The following MED27 variants were observed in gnomAD, a reference collection of about 807,000 sequenced individuals.
MED27 encodes mediator of RNA polymerase II transcription subunit 27.
MED27 carries 30 observed loss-of-function variants against 38.2 expected under a neutral mutation model. The observed-to-expected ratio is 0.79, with a 90% confidence interval of 0.59 to 1.07. MED27 has a LOEUF of 1.07. MED27 is among the 50% of genes least tolerant of loss of function. The pLI is 0.00. For missense variants in MED27, 289 were observed against 397.5 expected, an observed-to-expected ratio of 0.73 and a Z score of 2.32; for synonymous variants, 122 against 153.5, an observed-to-expected ratio of 0.79 and a Z score of 1.52.
intron 3 of MED27, among the ~76,000 whole-genome samples, chr9:131,943,440 C>T (rs1247568225): frequency 2.0e-5 from 3 of 152,160 alleles, no homozygotes; most frequent in African/African-American, 7.2e-5. Context: ...CCTCCCGAGA[C>T]GGTGAGCACG....
rs926027578 is a variant in MED27 at position 132,010,085 on chromosome 9, T to G, written c.479+4252A>C. Among the ~76,000 whole-genome samples the G allele has an allele frequency of 2.0e-5, 3 of 152,268 alleles. No homozygotes were observed. In the South Asian group the frequency reaches 6.2e-4, roughly 31 times the overall value. ...CTTTAGTTTAATTAGATCCCATTTG[T>G]CAATTTTGGCTTTGTTGCCATTGCT... On this transcript the variant is annotated intron_variant, in intron 3 of 7. Coordinates refer to ENST00000292035, the MANE Select transcript of MED27 (RefSeq NM_004269.4).
chr9:131,895,448 C>T (rs1241280478), intron 4 of MED27, among the ~76,000 whole-genome samples: 4 of 152,178 alleles, frequency 2.6e-5, no homozygotes, highest in Admixed American at 6.5e-5. Flanking sequence ...ATCACCCCTT[C>T]CTTATATCCC....
rs2131532671 is a variant in MED27 at position 131,908,651 on chromosome 9, G to C, written c.574-14659C>G. Among the ~76,000 whole-genome samples, 2 of 152,282 alleles carry C rather than the reference G, an allele frequency of 1.3e-5. 1 individual carries two copies. Among genetic ancestry groups the C allele is most frequent in the South Asian group, 4.1e-4 (2 of 4,820 alleles). ...ATGGATTAAGGGTGGTGCAAGATGT[G>C]CTTTGTTAAACCGATGCTTGAAGGC... On this transcript the variant is annotated intron_variant, in intron 4 of 7. Coordinates refer to ENST00000292035, the MANE Select transcript of MED27 (RefSeq NM_004269.4).
chr9:131,928,150 T>G (rs1327069108), intron 4 of MED27, among the ~76,000 whole-genome samples: 1 of 152,226 alleles, frequency 6.6e-6, no homozygotes, highest in Non-Finnish European at 1.5e-5. Flanking sequence ...GACACCCATG[T>G]GGGCACTGCA....
At chr9:131,950,119 C>G (rs1830962635) in intron 3 of MED27, among the ~76,000 whole-genome samples, 1 of 152,128 alleles carries the variant, frequency 6.6e-6, no homozygotes. Flanking sequence ...GCTACCTGCT[C>G]TGCATGCCCT....
chr9:131,915,307 A>T (rs1830268701), intron 4 of MED27, among the ~76,000 whole-genome samples: 1 of 152,230 alleles, frequency 6.6e-6, no homozygotes, highest in South Asian at 2.1e-4. Context: ...CTAACAAAGC[A>T]TCTACTCCAA....
Position 132,003,640 on chromosome 9 carries a change from C to CTG in MED27, c.479+10695_479+10696dup, listed in dbSNP as rs1011938410. Among the ~76,000 whole-genome samples, 4 of 152,198 alleles carry CTG rather than the reference C, an allele frequency of 2.6e-5. No individual in the cohort carries two copies. Among genetic ancestry groups the CTG allele is most frequent in the Non-Finnish European group, 5.9e-5 (4 of 68,034 alleles). ...CAATTGCTGGCACAACATATCCACT[C>CTG]TGAGACTTCTACCCTCCCTGTGCTC... On this transcript the variant is annotated intron_variant, in intron 3 of 7. Coordinates refer to ENST00000292035, the MANE Select transcript of MED27 (RefSeq NM_004269.4). The surrounding 1 kb of genome is among the most constrained non-coding windows in gnomAD (Gnocchi z 4.2).
intron 2 of MED27, among the ~76,000 whole-genome samples, chr9:132,067,434 A>T (rs1035489471): frequency 6.6e-6 from 1 of 152,218 alleles, no homozygotes; most frequent in African/African-American, 2.4e-5. Context: ...CTGAATGACT[A>T]AGAGTTTTCC....
At chr9:132,058,935 C>T (rs1005147330) in intron 2 of MED27, among the ~76,000 whole-genome samples, 11 of 152,214 alleles carry the variant, frequency 7.2e-5, no homozygotes, top group Admixed American at 2.0e-4. Flanking sequence ...GCGTCTTACA[C>T]TTTATGGCAC....
At chr9:132,054,422 C>T (rs531115420) in intron 2 of MED27, among the ~76,000 whole-genome samples, 1 of 152,080 alleles carries the variant, frequency 6.6e-6, no homozygotes, top group East Asian at 1.9e-4. Flanking sequence ...CCAATTAAAC[C>T]TCTTTTCTTT....
At chr9:132,060,967 C>A (rs1382437596) in intron 2 of MED27, among the ~76,000 whole-genome samples, 4 of 152,060 alleles carry the variant, frequency 2.6e-5, no homozygotes, top group South Asian at 4.2e-4. Flanking sequence ...ACAACAACAA[C>A]AAATCCCTTT....
chr9:131,982,355 A>T lies in MED27; in HGVS notation c.479+31982T>A, dbSNP rs1358597240. The stretch of plus-strand genomic sequence containing the variant: ...GGGCTCTGAGGCTACAGGGAAAGAG[A>T]ATCAGCTCCCAACCAACCACACAAC... On this transcript the variant is annotated intron_variant, in intron 3 of 7. Transcript: ENST00000292035. The surrounding 1 kb of genome is among the most constrained non-coding windows in gnomAD (Gnocchi z 4.3). 6.6e-6 allele frequency among the ~76,000 whole-genome samples: 1 copy of T among 152,184 alleles called. No individual in the cohort carries two copies. The highest frequency in any genetic ancestry group is 1.5e-5 in the Non-Finnish European group (1 of 68,028).
chr9:132,002,313 T>C (rs1832254060), intron 3 of MED27, among the ~76,000 whole-genome samples: 4 of 152,350 alleles, frequency 2.6e-5, no homozygotes, highest in South Asian at 2.1e-4. Flanking sequence ...AAACAGGTTT[T>C]TCATGTTATT....
intron 2 of MED27, among the ~76,000 whole-genome samples, chr9:132,022,590 AT>A (rs1832739570): frequency 6.6e-6 from 1 of 152,184 alleles, no homozygotes; most frequent in Non-Finnish European, 1.5e-5. Flanking sequence ...GAATGCAAAC[AT>A]TTTACTAGTC....
chr9:131,885,267 A>T (rs1359196043), intron 5 of MED27, among the ~76,000 whole-genome samples: 1 of 152,232 alleles, frequency 6.6e-6, no homozygotes, highest in Non-Finnish European at 1.5e-5. Flanking sequence ...AATAGCTCAG[A>T]GCCTTTCATG....
chr9:132,027,256 T>C (rs895657116), intron 2 of MED27, among the ~76,000 whole-genome samples: 9 of 152,204 alleles, frequency 5.9e-5, no homozygotes, highest in Admixed American at 2.0e-4. Context: ...GGGTCCACTC[T>C]GTGAGAAAGA....
intron 3 of MED27, among the ~76,000 whole-genome samples, chr9:131,993,604 T>C (rs1330921979): frequency 2.0e-5 from 3 of 152,232 alleles, no homozygotes; most frequent in Non-Finnish European, 4.4e-5. Context: ...AGGTAATAAA[T>C]GGAGCCCTGG....
chr9:132,073,434 TG>T, intron 2 of MED27: 1 of 1,109,138 alleles, frequency 9.0e-7, no homozygotes. Context: ...TGCTAGTTGC[TG>T]GGGACTCCCA....
At chr9:131,944,936 T>C (rs1209836083) in intron 3 of MED27, among the ~76,000 whole-genome samples, 1 of 152,056 alleles carries the variant, frequency 6.6e-6, no homozygotes, top group Admixed American at 6.6e-5. Context: ...TTCATGGACC[T>C]TTAAAGTCCA....
Sources: gnomAD v4.1 joint callset for allele counts (sites outside exome capture counted in the v4.1 genomes callset) on GRCh38, gnomAD v4.1.1 for gene constraint, Gnocchi (gnomAD v3.1) non-coding constraint, MANE v1.5 for transcripts, NCBI Gene and HGNC (gene_info 2026-07-23, HGNC 2026-07-21) for gene names.